PDE12: variants seen among roughly 807,000 people sequenced by gnomAD.
PDE12 encodes the protein phosphodiesterase 12.
In PDE12, 26 loss-of-function variants were observed where a neutral mutation model predicts 45.4. That is an observed-to-expected ratio of 0.57 (90% confidence interval 0.42 to 0.79). PDE12 has a LOEUF of 0.79. PDE12 is among the 30% of genes least tolerant of loss of function. PDE12 has a pLI of 0.00. For missense variants in PDE12, 668 were observed against 790.0 expected, an observed-to-expected ratio of 0.85 and a Z score of 1.85; for synonymous variants, 283 against 323.9, an observed-to-expected ratio of 0.87 and a Z score of 1.36.
the PDE12 span, among the ~76,000 whole-genome samples, chr3:57,582,312 G>A: frequency 2.0e-5 from 3 of 150,158 alleles, no homozygotes; most frequent in South Asian, 2.1e-4. Context: ...GTGTGATCTC[G>A]GCTCATCACA....
chr3:57,617,777 G>T, the PDE12 span, among the ~76,000 whole-genome samples: 1 of 151,896 alleles, frequency 6.6e-6, no homozygotes, highest in Non-Finnish European at 1.5e-5. Flanking sequence ...TGAGGTCGGG[G>T]GACCCCTTGA....
the PDE12 span, among the ~76,000 whole-genome samples, chr3:57,575,394 G>A: frequency 1.3e-5 from 2 of 151,300 alleles, no homozygotes; most frequent in Non-Finnish European, 2.9e-5. Flanking sequence ...AATCAAATAA[G>A]GTATTTAAAG....
At chr3:57,653,165 T>TAAAA in the PDE12 span, among the ~76,000 whole-genome samples, 2 of 152,182 alleles carry the variant, frequency 1.3e-5, no homozygotes, top group Admixed American at 6.5e-5. Context: ...TCTGTTGGTT[T>TAAAA]GTAAAAATAA....
chr3:57,604,616 TTGGG>T, the PDE12 span, among the ~76,000 whole-genome samples: 7 of 10,288 alleles, frequency 6.8e-4, no homozygotes, highest in African/African-American at 1.2e-3. Context: ...TTTTTTTTTT[TTGGG>T]GGGGGTGGGT....
At chr3:57,597,832 G>C in the PDE12 span, 1 of 152,232 alleles carries the variant, frequency 6.6e-6, no homozygotes, top group Non-Finnish European at 1.5e-5. Flanking sequence ...TTTCACACAC[G>C]GGACCAGACG....
At chr3:57,594,135 A>C in the PDE12 span, among the ~76,000 whole-genome samples, 113,756 of 151,976 alleles carry the variant, frequency 0.75, 44,675 homozygotes, top group East Asian at 1. Context: ...GGGCGCTTGT[A>C]ATCCCAGCTA....
At chr3:57,588,731 T>G in the PDE12 span, among the ~76,000 whole-genome samples, 1 of 133,246 alleles carries the variant, frequency 7.5e-6, no homozygotes, top group South Asian at 2.5e-4. Flanking sequence ...CTGAGGCAGG[T>G]GGATGACCTG....
At position 57,557,345 on chromosome 3, in the gene PDE12, C is replaced by T; in HGVS notation, c.966C>T (p.Ala322=). The stretch of plus-strand genomic sequence containing the variant: ...GAACGGTTCTGTACCCATACTGTGC[C>T]CCCTACGCCCTGGAGCTCGACTACC... ...FSRTVLYPYC[A]PYALELDYRQ... Residue 322 remains alanine, a synonymous_variant, in exon 1 of 3, where the codon GCC becomes GCT. Transcript: ENST00000311180. 1 of 1,613,920 alleles carries T rather than the reference C, an allele frequency of 6.2e-7. No homozygotes were observed. Among genetic ancestry groups the T allele is most frequent in the Non-Finnish European group, 8.5e-7 (1 of 1,180,006 alleles).
At chr3:57,587,319 CAA>C in the PDE12 span, among the ~76,000 whole-genome samples, 2 of 45,400 alleles carry the variant, frequency 4.4e-5, no homozygotes, top group Non-Finnish European at 9.4e-5. Context: ...AACTCAGTCT[CAA>C]AAAAAAAAAA....
At chr3:57,643,882 G>A in the PDE12 span, among the ~76,000 whole-genome samples, 1 of 151,360 alleles carries the variant, frequency 6.6e-6, no homozygotes, top group Admixed American at 6.6e-5. Flanking sequence ...AGGCGTGGTG[G>A]CTCATGCCTG....
At chr3:57,600,364 T>A in the PDE12 span, among the ~76,000 whole-genome samples, 1 of 151,494 alleles carries the variant, frequency 6.6e-6, no homozygotes, top group Non-Finnish European at 1.5e-5. Flanking sequence ...TTTCTTTCCT[T>A]TCTTTTCTTT....
At chr3:57,589,397 C>G in the PDE12 span, among the ~76,000 whole-genome samples, 2 of 152,000 alleles carry the variant, frequency 1.3e-5, no homozygotes, top group Admixed American at 6.6e-5. Flanking sequence ...CACTGCAATT[C>G]AGCGTAAGCA....
At chr3:57,655,279 C>T in the PDE12 span, among the ~76,000 whole-genome samples, 20,490 of 152,148 alleles carry the variant, frequency 0.13, 1,464 homozygotes, top group South Asian at 0.21. Flanking sequence ...ATGATCCGCC[C>T]GCCTCGGCCT....
chr3:57,611,972 C>T, the PDE12 span, among the ~76,000 whole-genome samples: 3 of 152,104 alleles, frequency 2.0e-5, no homozygotes, highest in Admixed American at 6.6e-5. Context: ...TTCACAATAG[C>T]AAAGACTTGG....
At chr3:57,559,232 A>AC in intron 1 of PDE12, 78 bp from the exon 2 acceptor site, 7 of 1,277,442 alleles carry the variant, frequency 5.5e-6, no homozygotes, top group Admixed American at 1.9e-5. Flanking sequence ...AAAACTCAAA[A>AC]AAACAAACAA....
chr3:57,563,303 T>C lies in PDE12; in HGVS notation c.*3299T>C, dbSNP rs961815891. 5 of 152,126 alleles carry C rather than the reference T, an allele frequency of 3.3e-5. No homozygotes were observed. Among genetic ancestry groups the C allele is most frequent in the African/African-American group, 9.7e-5 (4 of 41,424 alleles). 9.4% of individuals were successfully genotyped at this position (152,126 alleles called of 1,614,324 possible). On this transcript the variant is annotated 3_prime_UTR_variant, in exon 3 of 3. Coordinates refer to ENST00000311180, the MANE Select transcript of PDE12 (RefSeq NM_177966.7). ...CCTCCTGCCTCAGCGTCCCAAGTAG[T>C]TGAGATTACAAGCCCAACCTTCCAT...
chr3:57,575,243 A>G, the PDE12 span, among the ~76,000 whole-genome samples: 1 of 152,044 alleles, frequency 6.6e-6, no homozygotes, highest in Non-Finnish European at 1.5e-5. Flanking sequence ...GTTACTTAAA[A>G]GATACAAAAT....
chr3:57,595,823 T>C, the PDE12 span, among the ~76,000 whole-genome samples: 1 of 151,256 alleles, frequency 6.6e-6, no homozygotes, highest in Non-Finnish European at 1.5e-5. Context: ...TGGTGTTGCA[T>C]GCCTGTAATC....
chr3:57,590,139 A>T, the PDE12 span, among the ~76,000 whole-genome samples: 8 of 144,660 alleles, frequency 5.5e-5, no homozygotes, highest in South Asian at 1.4e-3. Flanking sequence ...AAATAAAACA[A>T]AAAACAAAAA....
Sources: gnomAD v4.1 joint callset for allele counts (sites outside exome capture counted in the v4.1 genomes callset) on GRCh38, gnomAD v4.1.1 for gene constraint, MANE v1.5 for transcripts, NCBI Gene and HGNC (gene_info 2026-07-23, HGNC 2026-07-21) for gene names.